KIAA1217: variants seen among roughly 807,000 people sequenced by gnomAD.
KIAA1217 encodes the protein KIAA1217, also known as sickle tail protein homolog.
KIAA1217 carries 88 observed loss-of-function variants against 163.9 expected under a neutral mutation model. The observed-to-expected ratio is 0.54, with a 90% CI of 0.45 to 0.64. The LOEUF (loss-of-function observed/expected upper bound fraction) is 0.64, where lower values mean the gene tolerates loss of function less well. Among genes scored for constraint, KIAA1217 ranks in the 30% least tolerant of loss-of-function variants. The pLI is 0.00. For missense variants in KIAA1217, 2,372 were observed against 2,475.0 expected, an observed-to-expected ratio of 0.96 and a Z score of 0.88; for synonymous variants, 903 against 923.1, an observed-to-expected ratio of 0.98 and a Z score of 0.39.
intron 1 of KIAA1217, among the ~76,000 whole-genome samples, chr10:23,797,451 G>A (rs2130948148): frequency 6.6e-6 from 1 of 152,278 alleles, no homozygotes; most frequent in Non-Finnish European, 1.5e-5. Context: ...CAAAACTCGT[G>A]TTTCTGTATA....
chr10:24,374,339 A>G (rs745646895), intron 2 of KIAA1217, among the ~76,000 whole-genome samples: 5 of 152,200 alleles, frequency 3.3e-5, no homozygotes, highest in Admixed American at 2.0e-4. Flanking sequence ...TCATCCTGGC[A>G]AGTATCCACA....
At chr10:23,983,949 A>G (rs1845870555) in intron 1 of KIAA1217, among the ~76,000 whole-genome samples, 1 of 152,222 alleles carries the variant, frequency 6.6e-6, no homozygotes, top group Non-Finnish European at 1.5e-5. Context: ...TGTACCTAAT[A>G]CGTAATAGTA....
chr10:24,214,747 G>T (rs2068598361), intron 1 of KIAA1217, among the ~76,000 whole-genome samples: 1 of 152,192 alleles, frequency 6.6e-6, no homozygotes, highest in South Asian at 2.1e-4. Context: ...CAATTGAGAA[G>T]GAGACAGCTA....
chr10:24,395,039 A>G (rs1200162552), intron 3 of KIAA1217, among the ~76,000 whole-genome samples: 3 of 152,168 alleles, frequency 2.0e-5, no homozygotes, highest in Non-Finnish European at 2.9e-5. Flanking sequence ...GCTGCAGGTC[A>G]GGGGACCACT....
chr10:24,118,733 T>G (rs2063161568), intron 2 of KIAA1217, among the ~76,000 whole-genome samples: 1 of 152,082 alleles, frequency 6.6e-6, no homozygotes, highest in Non-Finnish European at 1.5e-5. Context: ...GCAGCTTTGT[T>G]TTTTACTATT....
chr10:24,314,800 C>T (rs1428268043), intron 2 of KIAA1217, among the ~76,000 whole-genome samples: 2 of 151,926 alleles, frequency 1.3e-5, no homozygotes, highest in South Asian at 2.1e-4. Flanking sequence ...AAAAATCAGC[C>T]GGGCGTGGTG....
chr10:23,937,295 A>T (rs1362405054), intron 1 of KIAA1217, among the ~76,000 whole-genome samples: 1 of 152,092 alleles, frequency 6.6e-6, no homozygotes, highest in Non-Finnish European at 1.5e-5. Flanking sequence ...GGTGTTCAAA[A>T]TCCCTTGGGT....
At chr10:24,121,016 C>A (rs1414820204) in intron 2 of KIAA1217, among the ~76,000 whole-genome samples, 4 of 152,198 alleles carry the variant, frequency 2.6e-5, no homozygotes, top group African/African-American at 7.2e-5. Flanking sequence ...AGAGGCAGCT[C>A]ATTCACGTAT....
chr10:23,928,898 C>T (rs1219144784), intron 1 of KIAA1217, among the ~76,000 whole-genome samples: 2 of 152,170 alleles, frequency 1.3e-5, no homozygotes, highest in Non-Finnish European at 2.9e-5. Context: ...TCTCAGAAGG[C>T]CCCTCTGTCT....
chr10:24,337,570 T>A (rs993917833), intron 2 of KIAA1217, among the ~76,000 whole-genome samples: 4 of 152,084 alleles, frequency 2.6e-5, no homozygotes, highest in African/African-American at 9.7e-5. Context: ...TTGTTTGCTT[T>A]GTTTTTGTTT....
At chr10:23,950,241 G>A (rs539669560) in intron 1 of KIAA1217, among the ~76,000 whole-genome samples, 3 of 152,256 alleles carry the variant, frequency 2.0e-5, no homozygotes, top group South Asian at 4.1e-4. Flanking sequence ...AAGATTACTA[G>A]CATTTCTTTG....
chr10:23,782,957 A>C lies in KIAA1217; in HGVS notation c.-321+87723A>C, dbSNP rs1194834809. 2.0e-5 allele frequency among the ~76,000 whole-genome samples: 3 copies of C among 152,278 alleles called. No individual in the cohort carries two copies. In the East Asian group the frequency reaches 5.8e-4, roughly 29 times the overall value. On this transcript the variant is annotated intron_variant, in intron 1 of 18. Transcript: ENST00000376462. ...TTACAGTTTTCCCCCATTAATTATT[A>C]TGTTAGCTGGAGGCCTTTCATAAAT...
At chr10:24,415,276 G>A (rs771516614) in intron 3 of KIAA1217, among the ~76,000 whole-genome samples, 23 of 151,882 alleles carry the variant, frequency 1.5e-4, no homozygotes, top group South Asian at 2.1e-4. Context: ...CACCATGCCC[G>A]GTTAATTTTT....
At chr10:24,470,437 G>A (rs2063385752) in intron 5 of KIAA1217, among the ~76,000 whole-genome samples, 1 of 152,182 alleles carries the variant, frequency 6.6e-6, no homozygotes, top group Admixed American at 6.5e-5. Flanking sequence ...GAGCATCAGG[G>A]CAGGGGCCAT....
intron 2 of KIAA1217, among the ~76,000 whole-genome samples, chr10:24,117,625 A>C (rs1417521548): frequency 1.3e-5 from 2 of 152,142 alleles, no homozygotes; most frequent in Non-Finnish European, 2.9e-5. Flanking sequence ...ACGGAGTGAG[A>C]TCCTGTCTCA....
rs1391248303 is a variant in KIAA1217, at chr10:24,459,335, C to T, written c.847-13893C>T. Among the ~76,000 whole-genome samples the T allele has an allele frequency of 2.0e-5, 3 of 152,242 alleles. No homozygotes were observed. The East Asian group carries it at 5.8e-4, about 29-fold the overall frequency. ...TCCTCAGTCATCCCCACCATAAGAA[C>T]CTCATTATTCTATGAACTACCAGAG... On this transcript the variant is annotated intron_variant, in intron 5 of 20. Coordinates refer to ENST00000376454, the MANE Select transcript of KIAA1217 (RefSeq NM_019590.5).
At chr10:24,257,267 A>G (rs1299737277) in intron 2 of KIAA1217, among the ~76,000 whole-genome samples, 1 of 152,168 alleles carries the variant, frequency 6.6e-6, no homozygotes, top group Non-Finnish European at 1.5e-5. Context: ...GGGAATGGAA[A>G]CAAAGATATT....
chr10:23,964,146 C>T (rs1296249919), intron 1 of KIAA1217, among the ~76,000 whole-genome samples: 1 of 152,038 alleles, frequency 6.6e-6, no homozygotes, highest in Non-Finnish European at 1.5e-5. Context: ...TCATGATCCA[C>T]CCGCCTCAGC....
chr10:24,377,595 T>C (rs1008262379), intron 2 of KIAA1217, among the ~76,000 whole-genome samples: 1 of 152,138 alleles, frequency 6.6e-6, no homozygotes, highest in Non-Finnish European at 1.5e-5. Flanking sequence ...TTTCTTATGG[T>C]AAAAAAATGA....
Sources: allele counts gnomAD v4.1 joint callset (sites outside exome capture counted in the v4.1 genomes callset), GRCh38; gene constraint gnomAD v4.1.1; transcripts MANE v1.5; gene names NCBI Gene and HGNC (gene_info 2026-07-23, HGNC 2026-07-21).